TRPC5: variants seen among roughly 807,000 people sequenced by gnomAD.
The protein encoded by TRPC5 is short transient receptor potential channel 5.
Under a neutral mutation model 56.5 loss-of-function variants are expected in TRPC5, and 9 were observed. The observed-to-expected ratio is 0.16, with a 90% CI of 0.10 to 0.28. The LOEUF (loss-of-function observed/expected upper bound fraction) is 0.28, where lower values mean the gene tolerates loss of function less well. TRPC5 is among the 10% of genes least tolerant of loss of function. The pLI is 1.00. For synonymous variants in TRPC5, 282 were observed against 278.5 expected (o/e 1.01, Z -0.13); for missense variants, 469 against 748.9 (o/e 0.63, Z 4.36).
At chrX:111,785,863 G>GA (rs937502545) in intron 7 of TRPC5, among the ~76,000 whole-genome samples, 1 of 111,566 alleles carries the variant, frequency 9.0e-6, no homozygotes, top group Non-Finnish European at 1.9e-5. Flanking sequence ...CAAGGTTAGA[G>GA]AAAAAAGAGT....
At chrX:111,967,182 A>T (rs1403109935) in intron 1 of TRPC5, among the ~76,000 whole-genome samples, 1 of 111,767 alleles carries the variant, frequency 8.9e-6, no homozygotes, top group Non-Finnish European at 1.9e-5. Context: ...TTATAAACCA[A>T]TAACAGACAA....
intron 2 of TRPC5, among the ~76,000 whole-genome samples, chrX:111,947,581 G>A (rs1217305181): frequency 1.8e-5 from 2 of 110,999 alleles, no homozygotes; most frequent in Non-Finnish European, 3.8e-5. Flanking sequence ...TGCCCACCTC[G>A]GACAAATCCC....
intron 7 of TRPC5, among the ~76,000 whole-genome samples, chrX:111,802,663 T>C (rs1443290193): frequency 1.8e-5 from 2 of 111,038 alleles, no homozygotes; most frequent in Non-Finnish European, 3.8e-5. Flanking sequence ...AGAGTGATGA[T>C]AATCTTCTTT....
chrX:111,892,936 C>T (rs924201603), intron 3 of TRPC5, among the ~76,000 whole-genome samples: 1 of 111,851 alleles, frequency 8.9e-6, no homozygotes, highest in African/African-American at 3.3e-5. Context: ...ATATACCAGA[C>T]ACCATTTTAA....
At position 111,932,648 on chromosome X, in the gene TRPC5, G is replaced by A. The variant is rs780274842; in HGVS notation, c.378+19395C>T. 5.4e-5 allele frequency among the ~76,000 whole-genome samples: 6 copies of A among 111,125 alleles called. No individual in the cohort carries two copies. In the East Asian group the frequency reaches 1.1e-3, roughly 21 times the overall value. On this transcript the variant is annotated intron_variant, in intron 2 of 10. Transcript: ENST00000262839. ...TCAGAAAACTACTAACAACCTTCTG[G>A]GATGATGCTGACTGTTCACCAAGGT...
In TRPC5 at chrX:111,979,828, G is replaced by A. The variant is rs1054031827; in HGVS notation, c.-21-27387C>T. ...ATTAAAATGACTGACCATACCAAGC[G>A]TGGGTGAGAATGTGAAGGAGCTAGA... On this transcript the variant is annotated intron_variant, in intron 1 of 10. Transcript: ENST00000262839. 7.2e-5 allele frequency among the ~76,000 whole-genome samples: 8 copies of A among 111,626 alleles called. No homozygotes were observed. In the East Asian group the frequency reaches 8.4e-4, roughly 12 times the overall value.
At chrX:111,875,512 G>A in intron 3 of TRPC5, among the ~76,000 whole-genome samples, 2 of 106,758 alleles carry the variant, frequency 1.9e-5, no homozygotes, top group African/African-American at 3.4e-5. Flanking sequence ...ACAATGAAGT[G>A]TGTATGTGTA....
chrX:112,021,149 C>G (rs1929260423), intron 1 of TRPC5, among the ~76,000 whole-genome samples: 1 of 110,684 alleles, frequency 9.0e-6, no homozygotes, highest in African/African-American at 3.3e-5. Flanking sequence ...GTTGATTCCA[C>G]TGAGCCATGA....
At chrX:111,913,169 A>C (rs1454788340) in intron 2 of TRPC5, among the ~76,000 whole-genome samples, 3 of 111,557 alleles carry the variant, frequency 2.7e-5, no homozygotes, top group African/African-American at 9.8e-5. Flanking sequence ...CTCTAGAGCC[A>C]AGCTCTAGAG....
chrX:111,975,674 A>T (rs1927904132), intron 1 of TRPC5, among the ~76,000 whole-genome samples: 1 of 111,575 alleles, frequency 9.0e-6, no homozygotes, highest in Non-Finnish European at 1.9e-5. Context: ...AGGAGGGCGG[A>T]TCACGAGGTC....
At chrX:111,909,823 GA>G (rs1925759267) in intron 3 of TRPC5, among the ~76,000 whole-genome samples, 1 of 111,181 alleles carries the variant, frequency 9.0e-6, no homozygotes, top group African/African-American at 3.3e-5. Context: ...AAAGAAAGAG[GA>G]AAAAATAATG....
In TRPC5 at chrX:111,771,633, C is replaced by T. The variant is rs760099258; in HGVS notation, c.*4680G>A. 5.4e-5 allele frequency among the ~76,000 whole-genome samples: 6 copies of T among 111,591 alleles called. No homozygotes were observed. The highest frequency in any genetic ancestry group is 1.1e-4 in the Non-Finnish European group (6 of 53,158). On this transcript the variant is annotated 3_prime_UTR_variant, in exon 11 of 11. Coordinates refer to ENST00000262839, the MANE Select transcript of TRPC5 (RefSeq NM_012471.3). Reference sequence around the variant, plus strand: ...AAAGATGAAAATCCTAGGCCACGTACCAGCATATGAATGAATATTAACACC... The same window carrying T: ...AAAGATGAAAATCCTAGGCCACGTATCAGCATATGAATGAATATTAACACC...
intron 1 of TRPC5, among the ~76,000 whole-genome samples, chrX:112,015,333 C>T (rs985834630): frequency 9.0e-6 from 1 of 111,638 alleles, no homozygotes; most frequent in African/African-American, 3.3e-5. Context: ...GATTTTCCCC[C>T]TCTCAGAGTT....
intron 1 of TRPC5, among the ~76,000 whole-genome samples, chrX:112,055,361 G>A (rs754167571): frequency 4.2e-4 from 47 of 111,668 alleles, no homozygotes; most frequent in African/African-American, 1.5e-3. Flanking sequence ...TAAGAAGTAG[G>A]CGAAACAGAT....
chrX:112,075,171 A>G (rs1012664274), intron 1 of TRPC5, among the ~76,000 whole-genome samples: 1 of 112,648 alleles, frequency 8.9e-6, no homozygotes, highest in African/African-American at 3.2e-5. Context: ...TCAAAAGGAT[A>G]ACGTTTTCTG....
At chrX:111,993,075 C>T (rs868328630) in intron 1 of TRPC5, among the ~76,000 whole-genome samples, 5 of 100,893 alleles carry the variant, frequency 5.0e-5, no homozygotes, top group East Asian at 3.1e-4. Context: ...TGACAGGCCC[C>T]GGCGTGTGAT....
At chrX:111,993,942 A>G (rs1261276567) in intron 1 of TRPC5, among the ~76,000 whole-genome samples, 1 of 111,808 alleles carries the variant, frequency 8.9e-6, no homozygotes, top group Non-Finnish European at 1.9e-5. Flanking sequence ...TTTTGTTGCC[A>G]TTGCTTTTGG....
chrX:111,879,971 G>A (rs995790671), intron 3 of TRPC5, among the ~76,000 whole-genome samples: 17 of 111,404 alleles, frequency 1.5e-4, no homozygotes, highest in African/African-American at 5.2e-4. Flanking sequence ...AGGAAGAACC[G>A]AAGACCAAAA....
At chrX:111,992,664 A>G (rs954102783) in intron 1 of TRPC5, among the ~76,000 whole-genome samples, 61 of 109,421 alleles carry the variant, frequency 5.6e-4, no homozygotes, top group Admixed American at 1.2e-3. Context: ...GTGCAGTGGC[A>G]CGATCTCAGC....
Sources: gnomAD v4.1 joint callset for allele counts (sites outside exome capture counted in the v4.1 genomes callset) on GRCh38, gnomAD v4.1.1 for gene constraint, MANE v1.5 for transcripts, NCBI Gene and HGNC (gene_info 2026-07-23, HGNC 2026-07-21) for gene names.